Variants in DPP10 observed in about 807,000 individuals in gnomAD.
DPP10 encodes the protein dipeptidyl peptidase like 10.
In DPP10, 33 loss-of-function variants were observed where a neutral mutation model predicts 120.9. The observed-to-expected ratio is 0.27, with a 90% CI of 0.21 to 0.37. The LOEUF (loss-of-function observed/expected upper bound fraction) is 0.37. Ranked by LOEUF, DPP10 falls within the 10% of genes least tolerant of loss-of-function variation. The pLI is 1.00. For synonymous variants in DPP10, 337 were observed against 326.1 expected (o/e 1.03, Z -0.36); for missense variants, 816 against 942.8 (o/e 0.87, Z 1.76).
chr2:115,782,329 A>G lies in DPP10; in HGVS notation c.1484-23A>G, dbSNP rs1682862034. ...TACTTAGACATCTTTAAAAATATTTATACACATATTTTTAAATTCCAGGTC... is the reference window on the plus strand; with the variant it reads ...TACTTAGACATCTTTAAAAATATTTGTACACATATTTTTAAATTCCAGGTC... On this transcript the variant is annotated intron_variant, in intron 16 of 25. Transcript: ENST00000410059. The G allele has an allele frequency of 4.4e-6, 7 of 1,593,002 alleles. No homozygotes were observed. The South Asian group carries it at 4.4e-5, about 10-fold the overall frequency.
chr2:115,534,295 G>A (rs1005898732), intron 5 of DPP10, among the ~76,000 whole-genome samples: 23 of 151,918 alleles, frequency 1.5e-4, no homozygotes, highest in Middle Eastern at 6.8e-3. Flanking sequence ...AGAGTGTGAT[G>A]TTCCCCTTCC....
chr2:115,782,306 C>T, intron 16 of DPP10, 46 bp from the exon 17 acceptor site: 1 of 1,506,902 alleles, frequency 6.6e-7, no homozygotes, highest in Non-Finnish European at 9.2e-7. Flanking sequence ...ATGATTATTA[C>T]TTAGACATCT....
chr2:115,525,823 T>A (rs2148897141), intron 4 of DPP10, 75 bp from the exon 5 acceptor site: 1 of 1,141,564 alleles, frequency 8.8e-7, no homozygotes, highest in East Asian at 2.5e-5. Flanking sequence ...GAAAATTGAT[T>A]TTTTTTTACA....
chr2:114,814,607 C>T (rs1284405167), intron 1 of DPP10, among the ~76,000 whole-genome samples: 5 of 152,124 alleles, frequency 3.3e-5, no homozygotes, highest in East Asian at 3.9e-4. Flanking sequence ...TTAGTGGCTA[C>T]CGTAGTAGAT....
intron 1 of DPP10, among the ~76,000 whole-genome samples, chr2:114,864,824 C>A (rs1456530035): frequency 1.3e-5 from 2 of 152,124 alleles, no homozygotes; most frequent in African/African-American, 4.8e-5. Context: ...TCAGTACTAC[C>A]TAGACAAATG....
At chr2:115,374,304 T>G (rs1323212546) in intron 3 of DPP10, among the ~76,000 whole-genome samples, 1 of 152,200 alleles carries the variant, frequency 6.6e-6, no homozygotes, top group East Asian at 1.9e-4. Context: ...GGAGGAGACA[T>G]GGATCTCCTT....
chr2:114,752,339 G>A (rs1679312293), intron 1 of DPP10, among the ~76,000 whole-genome samples: 1 of 152,154 alleles, frequency 6.6e-6, no homozygotes, highest in African/African-American at 2.4e-5. Flanking sequence ...TGCCAAAGTT[G>A]AAGAACGTCT....
At position 114,824,027 on chromosome 2, in the gene DPP10, T is replaced by C. The variant is rs1686319474; in HGVS notation, c.60+381189T>C. ...AATGTGGCTTGAAGATAAAGTCACA[T>C]CTCCATTTCTTTCAAAACAGAGTAC... is the stretch of plus-strand genomic sequence containing the variant. On this transcript the variant is annotated intron_variant, in intron 1 of 25. Transcript: ENST00000410059. 2.6e-5 allele frequency among the ~76,000 whole-genome samples: 4 copies of C among 152,192 alleles called. No individual in the cohort carries two copies. In the South Asian group the frequency reaches 8.3e-4, roughly 32 times the overall value.
intron 1 of DPP10, among the ~76,000 whole-genome samples, chr2:115,235,888 A>G (rs2057977507): frequency 6.6e-6 from 1 of 152,172 alleles, no homozygotes; most frequent in African/African-American, 2.4e-5. Flanking sequence ...CTATTGCCTC[A>G]AATAAGTACA....
intron 5 of DPP10, among the ~76,000 whole-genome samples, chr2:115,628,384 ATTAAT>A (rs1472053997): frequency 6.6e-6 from 1 of 152,066 alleles, no homozygotes; most frequent in Non-Finnish European, 1.5e-5. Context: ...TTTCTTGTAA[ATTAAT>A]TTAAGTTCCT....
intron 1 of DPP10, among the ~76,000 whole-genome samples, chr2:114,443,728 C>A (rs534231140): frequency 6.8e-4 from 102 of 150,154 alleles, no homozygotes; most frequent in African/African-American, 2.3e-3. Flanking sequence ...AAACAAAAAA[C>A]GTGATATCCT....
chr2:115,013,657 G>GAAAA (rs1331466316), intron 1 of DPP10, among the ~76,000 whole-genome samples: 1 of 58,394 alleles, frequency 1.7e-5, no homozygotes, highest in Non-Finnish European at 3.3e-5. Flanking sequence ...CAAATGGAAA[G>GAAAA]CAAAAAAAAA....
intron 1 of DPP10, among the ~76,000 whole-genome samples, chr2:114,512,247 G>A (rs1422286484): frequency 1.3e-5 from 2 of 152,164 alleles, no homozygotes; most frequent in Non-Finnish European, 2.9e-5. Flanking sequence ...CACGGTGTCA[G>A]CCTTGTTATT....
chr2:115,078,899 A>G (rs1290701380), intron 1 of DPP10, among the ~76,000 whole-genome samples: 1 of 152,216 alleles, frequency 6.6e-6, no homozygotes, highest in Non-Finnish European at 1.5e-5. Flanking sequence ...TTTGACCTCT[A>G]TAATCATGCT....
At chr2:115,482,738 A>G (rs542785940) in intron 3 of DPP10, among the ~76,000 whole-genome samples, 1 of 152,110 alleles carries the variant, frequency 6.6e-6, no homozygotes, top group Admixed American at 6.6e-5. Context: ...TATAAATACC[A>G]ATATTATTAT....
chr2:115,578,327 T>C (rs2081806248), intron 5 of DPP10, among the ~76,000 whole-genome samples: 1 of 152,122 alleles, frequency 6.6e-6, no homozygotes, highest in African/African-American at 2.4e-5. Flanking sequence ...CTGTAGTAAC[T>C]CTAAATTTCC....
chr2:114,511,702 C>T (rs1188134054), intron 1 of DPP10, among the ~76,000 whole-genome samples: 1 of 152,162 alleles, frequency 6.6e-6, no homozygotes, highest in Non-Finnish European at 1.5e-5. Context: ...AAAGTGAAGA[C>T]ACACAGGATA....
chr2:115,353,612 T>C (rs1046636143), intron 3 of DPP10, among the ~76,000 whole-genome samples: 6 of 152,142 alleles, frequency 3.9e-5, no homozygotes, highest in African/African-American at 1.2e-4. Flanking sequence ...TAATACGTGT[T>C]CAGTAAGTCA....
intron 1 of DPP10, among the ~76,000 whole-genome samples, chr2:114,664,192 A>C (rs944377990): frequency 1.3e-4 from 20 of 152,054 alleles, no homozygotes; most frequent in African/African-American, 4.8e-4. Flanking sequence ...TCTGGAACTC[A>C]GGCAAAACAT....
Sources: allele counts gnomAD v4.1 joint callset (sites outside exome capture counted in the v4.1 genomes callset), GRCh38; gene constraint gnomAD v4.1.1; transcripts MANE v1.5; gene names NCBI Gene and HGNC (gene_info 2026-07-23, HGNC 2026-07-21).